The following MYH6 variants were observed in gnomAD, a reference collection of about 807,000 sequenced individuals.
MYH6 encodes the protein myosin-6.
A neutral mutation model predicts 223.2 loss-of-function variants in MYH6; 126 were observed. The ratio of observed to expected loss-of-function variants is 0.56; its 90% CI spans 0.49 to 0.65. MYH6 has a LOEUF of 0.65. Ranked by LOEUF, MYH6 falls within the 30% of genes least tolerant of loss-of-function variation. MYH6 has a pLI of 0.00. For synonymous variants in MYH6, 978 were observed against 1,010.2 expected, an observed-to-expected ratio of 0.97 and a Z score of 0.61; for missense variants, 2,040 against 2,536.4, an observed-to-expected ratio of 0.80 and a Z score of 4.20.
chr14:23,396,001 A>AT (rs957798328), intron 20 of MYH6, among the ~76,000 whole-genome samples: 19 of 151,546 alleles, frequency 1.3e-4, no homozygotes, highest in Admixed American at 1.1e-3. Context: ...TGTTTCTTTC[A>AT]TTTTTTAAAA....
In MYH6 at chr14:23,397,169, C is replaced by G; in HGVS notation, c.2050+1G>C. 1 of 1,614,218 alleles carries G rather than the reference C, an allele frequency of 6.2e-7. No individual in the cohort carries two copies. ...CAGACTAAGGTCTTCTCCTGGCTCA[C>G]CTGGAGCCTTCCGCTCATTGGGGAT... On this transcript the variant is annotated splice_donor_variant, in intron 17 of 38. Transcript: ENST00000405093. LOFTEE classifies it high-confidence loss of function.
At chr14:23,392,711 A>C in intron 24 of MYH6, 59 bp from the exon 25 acceptor site, 1 of 1,487,738 alleles carries the variant, frequency 6.7e-7, no homozygotes, top group Non-Finnish European at 9.4e-7. Flanking sequence ...TCTGGGGCTC[A>C]TTCTCTTCTT....
intron 25 of MYH6, among the ~76,000 whole-genome samples, chr14:23,390,974 A>G (rs1191463867): frequency 1.3e-5 from 2 of 152,206 alleles, no homozygotes; most frequent in African/African-American, 4.8e-5. Flanking sequence ...TTGCTCTCCC[A>G]GGCTTGCTGT....
chr14:23,397,655 T>C lies in MYH6; in HGVS notation c.1892-42A>G. On this transcript the variant is annotated intron_variant, in intron 15 of 38. Coordinates refer to ENST00000405093, the MANE Select transcript of MYH6 (RefSeq NM_002471.4). Reference sequence around the variant, plus strand: ...GAAATAATCAACAGGAGCTGGAAAATAAAGGAGCCCTTGGGCAGAGGCAGA... The same window carrying C: ...GAAATAATCAACAGGAGCTGGAAAACAAAGGAGCCCTTGGGCAGAGGCAGA... 7 of 1,604,310 alleles carry C rather than the reference T, an allele frequency of 4.4e-6. No homozygotes were observed. The East Asian group carries it at 1.6e-4, about 36-fold the overall frequency.
At chr14:23,393,299 A>G (rs766008617) in intron 23 of MYH6, 43 bp downstream of exon 23, 20 of 1,613,416 alleles carry the variant, frequency 1.2e-5, no homozygotes, top group Non-Finnish European at 1.6e-5. Context: ...TGTTGCCTGC[A>G]AAATCTTGCT....
At chr14:23,400,142 G>T in intron 14 of MYH6, 114 bp downstream of exon 14, 1 of 1,510,812 alleles carries the variant, frequency 6.6e-7, no homozygotes, top group Non-Finnish European at 9.1e-7. Context: ...AGCTGGGCCT[G>T]GAGAAAGGCC....
chr14:23,404,731 C>T lies in MYH6; in HGVS notation c.622G>A (p.Asp208Asn), dbSNP rs142027794. 6.7e-3 allele frequency: 10,873 copies of T among 1,614,128 alleles called. 50 individuals carry two copies. Among genetic ancestry groups the T allele is most frequent in the Non-Finnish European group, 8.2e-3 (9,725 of 1,179,986 alleles). The change falls in exon 7 of 39, where the codon GAC becomes AAC. Residue 208 changes from aspartate to asparagine, a missense_variant. Around this residue, in one of 4 missense-constraint regions of MYH6, gnomAD observed 649 missense variants for 877.3 expected, o/e 0.74. Coordinates refer to ENST00000405093, the MANE Select transcript of MYH6 (RefSeq NM_002471.4). The part of the protein sequence containing the change: ...IAAIGDRGKK[D>N]NANANKGTLE... ...GGCACCTTGTTCGCATTGGCATTGTCCTTCTTGCCACGGTCACCTATGGCT... is the reference window on the plus strand; with the variant it reads ...GGCACCTTGTTCGCATTGGCATTGTTCTTCTTGCCACGGTCACCTATGGCT...
intron 7 of MYH6, 26 bp from the exon 8 acceptor site, chr14:23,404,414 G>T (rs754221570): frequency 1.2e-6 from 2 of 1,611,648 alleles, no homozygotes; most frequent in African/African-American, 2.7e-5. Context: ...AACTGCATGG[G>T]TTCATCCTCC....
At position 23,384,861 on chromosome 14, in the gene MYH6, G is replaced by A. The variant is rs1194528528; in HGVS notation, c.5289+55C>T. 8 of 1,613,106 alleles carry A rather than the reference G, an allele frequency of 5.0e-6. No individual in the cohort carries two copies. The Admixed American group carries it at 5.0e-5, about 10-fold the overall frequency. On this transcript the variant is annotated intron_variant, in intron 35 of 38. Transcript: ENST00000405093. ...TGTTACAGCACAGTGGCCTGGCCTG[G>A]ACCCAAGGCCTTGTTTCTGTCTTTA...
rs750051592 is a variant in MYH6, at chr14:23,399,003, C to T, written c.1616G>A (p.Cys539Tyr). 6.2e-7 allele frequency: 1 copy of T among 1,614,114 alleles called. No homozygotes were observed. Among genetic ancestry groups the T allele is most frequent in the South Asian group, 1.1e-5 (1 of 91,072 alleles). ...MGIMSILEEE[C>Y]MFPKATDMTF... ...CATGTCAGTGGCCTTGGGGAACATGCACTCCTCCTCCAGGATGGACATGAT... is the reference window on the plus strand; with the variant it reads ...CATGTCAGTGGCCTTGGGGAACATGTACTCCTCCTCCAGGATGGACATGAT... Residue 539 changes from cysteine (C) to tyrosine (Y), a missense_variant, in exon 15 of 39, where the codon TGC becomes TAC. Cys to Tyr is a radical substitution (Grantham distance 194). Coordinates refer to ENST00000405093, the MANE Select transcript of MYH6 (RefSeq NM_002471.4).
rs1891184639 is a variant in MYH6, at chr14:23,390,061, G to C, written c.3728C>G (p.Ala1243Gly). 6.2e-7 allele frequency: 1 copy of C among 1,613,236 alleles called. No individual in the cohort carries two copies. The highest frequency in any genetic ancestry group is 8.5e-7 in the Non-Finnish European group (1 of 1,179,834). The change falls in exon 26 of 39, where the codon GCC (alanine) becomes GGC (glycine). Residue 1243 changes from alanine (A) to glycine (G), a missense_variant. Transcript: ENST00000405093. ...VTSNMEQIIK[A>G]KANLEKVSRT... is the part of the protein sequence containing the mutation. ...GGGAGGCCGAGCAGAGCCTGCCTTG[G>C]CCTTGATGATCTGCTCCATGTTGGA... is the stretch of plus-strand genomic sequence containing the variant.
chr14:23,398,604 G>A, intron 15 of MYH6, 124 bp downstream of exon 15: 1 of 1,093,314 alleles, frequency 9.1e-7, no homozygotes, highest in Non-Finnish European at 1.4e-6. Context: ...GGTGAGCCAG[G>A]AGGTGGCTTG....
At chr14:23,386,670 G>A (rs200595005) in intron 32 of MYH6, 47 bp from the exon 33 acceptor site, 2 of 1,566,290 alleles carry the variant, frequency 1.3e-6, no homozygotes, top group South Asian at 2.4e-5. Context: ...ACAGGGCAGG[G>A]TTGAGAGGGA....
chr14:23,393,407 C>T lies in MYH6; in HGVS notation c.3040G>A (p.Val1014Ile). The change falls in exon 23 of 39, where the codon GTT becomes ATT. Residue 1014 changes from valine to isoleucine, a missense_variant. Around this residue, in one of 4 missense-constraint regions of MYH6, gnomAD observed 1,203 missense variants for 1,400.2 expected, o/e 0.86. Transcript: ENST00000405093. ...AGGCTGTTGACCTTGTCTTCCTCAA[C>T]CTGAAGGTCATCCAGGGCCTGCTGA... is the stretch of plus-strand genomic sequence containing the variant. ...AHQQALDDLQ[V>I]EEDKVNSLSK... The T allele has an allele frequency of 4.3e-6, 7 of 1,614,170 alleles. No homozygotes were observed. Among genetic ancestry groups the T allele is most frequent in the African/African-American group, 1.3e-5 (1 of 75,036 alleles).
chr14:23,397,678 A>G, intron 15 of MYH6, 65 bp from the exon 16 acceptor site: 1 of 1,510,698 alleles, frequency 6.6e-7, no homozygotes, highest in African/African-American at 1.4e-5. Context: ...GGGCAGAGGC[A>G]GAGCTCTGCT....
In MYH6 at chr14:23,396,830, G is replaced by A; in HGVS notation, c.2169-13C>T. 9 of 1,613,958 alleles carry A rather than the reference G, an allele frequency of 5.6e-6. No homozygotes were observed. Among genetic ancestry groups the A allele is most frequent in the African/African-American group, 1.3e-5 (1 of 75,046 alleles). ...CAGGATGCGATACCTGAGGAGGGAA[G>A]TGTCCAGAGTCACCCATGCTCTGCA... is the stretch of plus-strand genomic sequence containing the variant. On this transcript the variant is annotated splice_polypyrimidine_tract_variant and intron_variant, in intron 18 of 38. Coordinates refer to ENST00000405093, the MANE Select transcript of MYH6 (RefSeq NM_002471.4).
Position 23,405,672 on chromosome 14 carries a change from C to T in MYH6, c.300G>A (p.Ala100=), listed in dbSNP as rs200520512. 2.0e-5 allele frequency: 33 copies of T among 1,614,062 alleles called. No individual in the cohort carries two copies. Among genetic ancestry groups the T allele is most frequent in the South Asian group, 4.4e-5 (4 of 91,086 alleles). The change falls in exon 4 of 39, where the codon GCG becomes GCA. Residue 100 remains alanine, a synonymous_variant. Coordinates refer to ENST00000405093, the MANE Select transcript of MYH6 (RefSeq NM_002471.4). This position sits in a 1 kb window ranked among gnomAD's most constrained non-coding sequence, Gnocchi z 4.7. ...MAMLTFLHEP[A]VLFNLKERYA... The stretch of plus-strand genomic sequence containing the variant: ...AGCGCTCCTTGAGGTTGAAAAGCAC[C>T]GCGGGCTCGTGCAGGAAGGTCAGCA...
In MYH6 at chr14:23,394,127, C is replaced by G. The variant is rs1456225633; in HGVS notation, c.2626G>C (p.Glu876Gln). The change falls in exon 21 of 39, where the codon GAG (glutamate) becomes CAG (glutamine). Residue 876 changes from glutamate (E) to glutamine (Q), a missense_variant. Coordinates refer to ENST00000405093, the MANE Select transcript of MYH6 (RefSeq NM_002471.4). ...TGCAGCAGGGACACCATCTTCTCCT[C>G]CAGCTCCTTGCGGCGAGCCTCGGAC... Reference protein sequence around the residue: ...EKSEARRKELEEKMVSLLQEK... With the variant: ...EKSEARRKELQEKMVSLLQEK... 1.2e-6 allele frequency: 2 copies of G among 1,614,090 alleles called. No individual in the cohort carries two copies. The highest frequency in any genetic ancestry group is 1.7e-6 in the Non-Finnish European group (2 of 1,180,052).
chr14:23,384,326 G>A (rs562508409), intron 36 of MYH6, 116 bp downstream of exon 36: 8 of 1,522,544 alleles, frequency 5.3e-6, no homozygotes, highest in African/African-American at 4.1e-5. Context: ...TGAGAAGAAC[G>A]TTAAATCTAC....
Sources: gnomAD v4.1 joint callset for allele counts (sites outside exome capture counted in the v4.1 genomes callset) on GRCh38, gnomAD v4.1.1 for gene constraint, gnomAD v4.1.1 regional missense constraint, Gnocchi (gnomAD v3.1) non-coding constraint, MANE v1.5 for transcripts, NCBI Gene and HGNC (gene_info 2026-07-23, HGNC 2026-07-21) for gene names.